The following CTCF variants were observed in gnomAD, a reference collection of about 807,000 sequenced individuals.
CTCF encodes CCCTC-binding factor.
A neutral mutation model predicts 72.3 loss-of-function variants in CTCF; 7 were observed. The observed-to-expected ratio is 0.10, with a 90% CI of 0.06 to 0.18. The LOEUF (loss-of-function observed/expected upper bound fraction) is 0.18, where lower values mean the gene tolerates loss of function less well. Among genes scored for constraint, CTCF ranks in the 10% least tolerant of loss-of-function variants. The probability of loss-of-function intolerance (pLI) is 1.00; values close to 1 mark genes in which losing one functional copy is unlikely to be tolerated. For missense variants in CTCF, 516 were observed against 949.1 expected, an observed-to-expected ratio of 0.54 and a Z score of 6.00; for synonymous variants, 374 against 315.8, an observed-to-expected ratio of 1.18 and a Z score of -1.95.
chr16:67,565,803 AT>A (rs2051335591), intron 1 of CTCF, among the ~76,000 whole-genome samples: 1 of 152,016 alleles, frequency 6.6e-6, no homozygotes, highest in Non-Finnish European at 1.5e-5. Context: ...TTAGGATTTT[AT>A]TTTAAAGTAC....
At chr16:67,605,718 C>T (rs1188565530) in intron 2 of CTCF, among the ~76,000 whole-genome samples, 1 of 152,188 alleles carries the variant, frequency 6.6e-6, no homozygotes, top group African/African-American at 2.4e-5. Flanking sequence ...TTATCAGAAA[C>T]ACATTTGGAG....
At chr16:67,571,658 A>G (rs1450376342) in intron 2 of CTCF, among the ~76,000 whole-genome samples, 1 of 152,218 alleles carries the variant, frequency 6.6e-6, no homozygotes, top group Non-Finnish European at 1.5e-5. Context: ...ACTATTGGCA[A>G]ATGAACTGAA....
At chr16:67,607,042 C>T (rs1421694470) in intron 2 of CTCF, among the ~76,000 whole-genome samples, 3 of 152,042 alleles carry the variant, frequency 2.0e-5, no homozygotes, top group East Asian at 3.9e-4. Context: ...CTGCAACCTC[C>T]ACCTCCCAGG....
intron 2 of CTCF, among the ~76,000 whole-genome samples, chr16:67,580,376 AT>A (rs2051562636): frequency 1.3e-5 from 2 of 151,222 alleles, no homozygotes; most frequent in Admixed American, 6.6e-5. Flanking sequence ...GGCCCAGCTA[AT>A]TTTTTTTGTA....
intron 4 of CTCF, chr16:67,614,306 C>T (rs1268322666): frequency 2.8e-5 from 4 of 145,106 alleles, no homozygotes; most frequent in Non-Finnish European, 5.9e-5. Context: ...GAGATCGCAC[C>T]ATTGCACTCC....
rs1254803341 is a variant in CTCF at position 67,562,683 on chromosome 16, G to A, written c.-168G>A. The A allele has an allele frequency of 6.6e-6, 1 of 151,804 alleles. No individual in the cohort carries two copies. The highest frequency in any genetic ancestry group is 6.6e-5 in the Admixed American group (1 of 15,146). The allele number at this position is 151,804 out of a possible 1,614,324, so 9.4% of individuals were successfully genotyped here. A position where few individuals can be genotyped will look rare whatever the true frequency, so the allele number is the denominator to read the frequency against. On this transcript the variant is annotated 5_prime_UTR_variant, in exon 1 of 12. Transcript: ENST00000264010. ...GAGACGCCGGGTGGCCGGAGCCGTG[G>A]AGCGGCGGCGGAGCGGGCGCCGCGG...
At chr16:67,563,565 C>G (rs935669314) in intron 1 of CTCF, 1 of 152,220 alleles carries the variant, frequency 6.6e-6, no homozygotes, top group African/African-American at 2.4e-5. Flanking sequence ...CCGGACCCGA[C>G]CGGTGCGGCC....
At chr16:67,573,096 C>A (rs982872863) in intron 2 of CTCF, among the ~76,000 whole-genome samples, 4 of 151,522 alleles carry the variant, frequency 2.6e-5, no homozygotes, top group African/African-American at 7.3e-5. Context: ...ACTAAAAATA[C>A]AAAAAATTAG....
chr16:67,628,588 C>A, intron 9 of CTCF, 36 bp downstream of exon 9: 1 of 1,598,720 alleles, frequency 6.3e-7, no homozygotes, highest in Non-Finnish European at 8.6e-7. Context: ...TGTTATGATA[C>A]TGAATATTGG....
intron 1 of CTCF, chr16:67,563,631 C>G (rs550203021): frequency 6.6e-6 from 1 of 152,192 alleles, no homozygotes; most frequent in Non-Finnish European, 1.5e-5. Context: ...TTTATCCAGC[C>G]GGGTTCGGAC....
chr16:67,624,305 C>G (rs977286175), intron 7 of CTCF, among the ~76,000 whole-genome samples: 2 of 151,910 alleles, frequency 1.3e-5, no homozygotes, highest in Admixed American at 6.6e-5. Context: ...TCCCTCTTGT[C>G]TGGCTTATTC....
chr16:67,636,566 A>AGG, intron 10 of CTCF, 124 bp from the exon 11 acceptor site: 2 of 297,508 alleles, frequency 6.7e-6, no homozygotes. Context: ...AAAGAAAGAA[A>AGG]GTGTATATAT....
chr16:67,595,963 C>CTT (rs200834446), intron 2 of CTCF, among the ~76,000 whole-genome samples: 1 of 150,006 alleles, frequency 6.7e-6, no homozygotes, highest in African/African-American at 2.4e-5. Context: ...TCTTTCTTTT[C>CTT]TTTTTTTTTG....
intron 5 of CTCF, among the ~76,000 whole-genome samples, chr16:67,619,493 GT>G (rs1476447100): frequency 6.6e-6 from 1 of 151,376 alleles, no homozygotes; most frequent in East Asian, 1.9e-4. Context: ...TTTGTTTTTT[GT>G]TTGTTTGTTT....
At chr16:67,614,618 CG>C (rs939581486) in intron 4 of CTCF, 1 of 151,434 alleles carries the variant, frequency 6.6e-6, no homozygotes, top group African/African-American at 2.4e-5. Context: ...GAGGCTGACG[CG>C]GGCAGATCAC....
At chr16:67,625,451 T>C (rs1229331662) in intron 7 of CTCF, among the ~76,000 whole-genome samples, 2 of 152,176 alleles carry the variant, frequency 1.3e-5, no homozygotes, top group Non-Finnish European at 2.9e-5. Flanking sequence ...CCACCTGCCA[T>C]GGCCTCCCAA....
At chr16:67,581,778 C>T (rs2051586239) in intron 2 of CTCF, among the ~76,000 whole-genome samples, 1 of 151,740 alleles carries the variant, frequency 6.6e-6, no homozygotes, top group Non-Finnish European at 1.5e-5. Flanking sequence ...GTTGGGATTA[C>T]AGACGTGAGC....
intron 2 of CTCF, among the ~76,000 whole-genome samples, chr16:67,596,896 T>A (rs1281849064): frequency 2.6e-5 from 4 of 152,198 alleles, no homozygotes; most frequent in African/African-American, 4.8e-5. Context: ...CTGGAATTTT[T>A]AATTTTATTT....
chr16:67,622,834 T>G (rs2052221421), intron 7 of CTCF, among the ~76,000 whole-genome samples: 1 of 143,378 alleles, frequency 7.0e-6, no homozygotes, highest in African/African-American at 2.6e-5. Context: ...TTTTTTTTTG[T>G]ATTTTTTAGT....
Sources: gnomAD v4.1 joint callset for allele counts (sites outside exome capture counted in the v4.1 genomes callset) on GRCh38, gnomAD v4.1.1 for gene constraint, MANE v1.5 for transcripts, NCBI Gene and HGNC (gene_info 2026-07-23, HGNC 2026-07-21) for gene names.